ZNF875: variants seen among roughly 807,000 people sequenced by gnomAD.
The protein encoded by ZNF875 is zinc finger protein 875.
ZNF875 carries 14 observed loss-of-function variants against 11.2 expected under a neutral mutation model. The ratio of observed to expected loss-of-function variants is 1.26; its 90% CI spans 0.83 to 1.96. The LOEUF is 1.96. Among genes scored for constraint, ZNF875 ranks in the 30% most tolerant of loss-of-function variants. The pLI is 0.00. For missense variants in ZNF875, 752 were observed against 760.4 expected, an observed-to-expected ratio of 0.99 and a Z score of 0.13; for synonymous variants, 301 against 281.1, an observed-to-expected ratio of 1.07 and a Z score of -0.71.
At chr19:37,322,582 C>T (rs1404012840) in intron 2 of ZNF875, among the ~76,000 whole-genome samples, 1 of 152,166 alleles carries the variant, frequency 6.6e-6, no homozygotes, top group Non-Finnish European at 1.5e-5. Flanking sequence ...ATGCTGAACC[C>T]ATCAGTGAAC....
At chr19:37,316,703 C>T (rs2145602915), upstream of ZNF875, among the ~76,000 whole-genome samples, 1 of 150,302 alleles carries the variant, frequency 6.7e-6, no homozygotes, top group South Asian at 2.1e-4. Flanking sequence ...CACTCGGTCG[C>T]CCAGGCTGGA....
upstream of ZNF875, among the ~76,000 whole-genome samples, chr19:37,331,790 T>TCCCCCAGCCTGACA (rs2033436224): frequency 7.6e-6 from 1 of 131,988 alleles, no homozygotes; most frequent in Non-Finnish European, 1.8e-5. Flanking sequence ...GACCTGACCG[T>TCCCCCAGCCTGACA]CCCCCAGCCC....
intron 3 of ZNF875, 116 bp downstream of exon 3, chr19:37,347,432 T>C (rs1600108454): frequency 2.0e-6 from 2 of 1,019,216 alleles, no homozygotes; most frequent in East Asian, 2.5e-5. Context: ...GAAAACAATT[T>C]ACTTTTTTCC....
At chr19:37,354,804 C>T (rs1489783514) in intron 4 of ZNF875, among the ~76,000 whole-genome samples, 1 of 152,186 alleles carries the variant, frequency 6.6e-6, no homozygotes, top group Non-Finnish European at 1.5e-5. Context: ...TGTTATAAAA[C>T]AAGGCTTCCT....
Position 37,362,179 on chromosome 19 carries a change from A to G in ZNF875, c.327A>G (p.Gln109=), listed in dbSNP as rs746224331. 28 of 1,614,004 alleles carry G rather than the reference A, an allele frequency of 1.7e-5. No individual in the cohort carries two copies. The Admixed American group carries it at 2.3e-4, about 13-fold the overall frequency. Residue 109 remains glutamine (Q), a synonymous_variant, in exon 5 of 5, where the codon CAA becomes CAG. Coordinates refer to ENST00000392153, the MANE Select transcript of ZNF875 (RefSeq NM_001353803.2). ...LIFSSQQALS[Q]HVWLSHLSQL... ...TCTCCAGTCAGCAAGCTCTCAGCCA[A>G]CATGTGTGGCTGAGTCATCTCTCTC...
chr19:37,361,109 CTT>C (rs772368148), intron 4 of ZNF875, among the ~76,000 whole-genome samples: 18 of 115,804 alleles, frequency 1.6e-4, no homozygotes, highest in South Asian at 2.9e-4. Context: ...TTGTCTTCTC[CTT>C]TTTTTTTTTT....
intron 4 of ZNF875, among the ~76,000 whole-genome samples, chr19:37,360,206 G>T (rs773951948): frequency 6.6e-6 from 1 of 152,024 alleles, no homozygotes; most frequent in South Asian, 2.1e-4. Flanking sequence ...AATTACCTTG[G>T]CACCTTTATC....
At chr19:37,327,507 C>A (rs547987628) in intron 4 of ZNF875, among the ~76,000 whole-genome samples, 22 of 151,874 alleles carry the variant, frequency 1.4e-4, no homozygotes, top group Non-Finnish European at 1.0e-4. Flanking sequence ...GTGGCTCATA[C>A]CTGTTTTCCC....
intron 2 of ZNF875, chr19:37,337,860 G>C (rs1823735083): frequency 6.6e-6 from 1 of 152,156 alleles, no homozygotes; most frequent in African/African-American, 2.4e-5. Flanking sequence ...AGTCATTTTT[G>C]ATATGGGTTA....
chr19:37,362,543 T>C lies in ZNF875; in HGVS notation c.691T>C (p.Phe231Leu), dbSNP rs748188125. 6.2e-7 allele frequency: 1 copy of C among 1,613,986 alleles called. No homozygotes were observed. Residue 231 changes from phenylalanine to leucine, a missense_variant, in exon 5 of 5, where the codon TTT becomes CTT. Coordinates refer to ENST00000392153, the MANE Select transcript of ZNF875 (RefSeq NM_001353803.2). ...ATTTGGAGAAATCAAATATGAAGAG[T>C]TTGGGCCAGGCTTTATCAAGGAGTC... ...SGFGEIKYEEFGPGFIKESNL... is the reference protein window; with the variant it reads ...SGFGEIKYEELGPGFIKESNL...
chr19:37,324,625 C>A (rs1038629287), intron 4 of ZNF875, among the ~76,000 whole-genome samples: 6 of 152,158 alleles, frequency 3.9e-5, no homozygotes, highest in Non-Finnish European at 7.3e-5. Context: ...CTACCCCTAA[C>A]ATTAAAGTAC....
intron 3 of ZNF875, chr19:37,347,573 A>C: frequency 1.6e-6 from 1 of 607,692 alleles, no homozygotes. Flanking sequence ...AAACCCAGGA[A>C]ATTTTTCATA....
chr19:37,328,107 G>T (rs1036355797), intron 4 of ZNF875, among the ~76,000 whole-genome samples: 4 of 152,140 alleles, frequency 2.6e-5, no homozygotes, highest in African/African-American at 9.7e-5. Flanking sequence ...GGGTGTGGTG[G>T]TGCATGCGTG....
At chr19:37,313,577 C>T (rs186592673), upstream of ZNF875, among the ~76,000 whole-genome samples, 1 of 152,188 alleles carries the variant, frequency 6.6e-6, no homozygotes, top group Admixed American at 6.5e-5. Flanking sequence ...CATCACTATC[C>T]CAAAGACCAC....
chr19:37,331,429 CTG>C (rs1310502138), upstream of ZNF875, among the ~76,000 whole-genome samples: 10 of 151,478 alleles, frequency 6.6e-5, no homozygotes, highest in African/African-American at 2.2e-4. Flanking sequence ...GTTACTGTGT[CTG>C]TGTAGAAAGA....
At chr19:37,352,023 G>A (rs1440097875) in intron 4 of ZNF875, among the ~76,000 whole-genome samples, 3 of 152,112 alleles carry the variant, frequency 2.0e-5, no homozygotes, top group Non-Finnish European at 4.4e-5. Flanking sequence ...ATATCATTGT[G>A]GATTTGTCTA....
chr19:37,357,523 T>C (rs1042657019), intron 4 of ZNF875, among the ~76,000 whole-genome samples: 1 of 152,212 alleles, frequency 6.6e-6, no homozygotes, highest in Non-Finnish European at 1.5e-5. Flanking sequence ...TGTTTTGTAG[T>C]TCTCCTCGCA....
intron 4 of ZNF875, among the ~76,000 whole-genome samples, chr19:37,349,813 C>G (rs543640883): frequency 4.6e-5 from 7 of 152,140 alleles, no homozygotes; most frequent in African/African-American, 1.2e-4. Context: ...TGCCACCATG[C>G]CTGGCTGGTT....
At chr19:37,327,926 A>G (rs1323090253) in intron 4 of ZNF875, among the ~76,000 whole-genome samples, 3 of 152,130 alleles carry the variant, frequency 2.0e-5, no homozygotes, top group Non-Finnish European at 2.9e-5. Context: ...ATGAGGGAAC[A>G]CAATGTTAGA....
Sources: allele counts gnomAD v4.1 joint callset (sites outside exome capture counted in the v4.1 genomes callset), GRCh38; gene constraint gnomAD v4.1.1; transcripts MANE v1.5; gene names NCBI Gene and HGNC (gene_info 2026-07-23, HGNC 2026-07-21).